TENM4: variants seen among roughly 807,000 people sequenced by gnomAD.
TENM4 encodes the protein teneurin transmembrane protein 4, also known as teneurin-4.
A neutral mutation model predicts 243.3 loss-of-function variants in TENM4; 82 were observed. The ratio of observed to expected loss-of-function variants is 0.34; its 90% confidence interval spans 0.28 to 0.40. The LOEUF (loss-of-function observed/expected upper bound fraction) is 0.40. Among genes scored for constraint, TENM4 ranks in the 10% least tolerant of loss-of-function variants. The pLI, the probability that TENM4 is intolerant of heterozygous loss-of-function variation, is 1.00. For missense variants in TENM4, 3,138 were observed against 3,673.3 expected (o/e 0.85, Z 3.77); for synonymous variants, 1,412 against 1,456.3 (o/e 0.97, Z 0.69).
intron 26 of TENM4, among the ~76,000 whole-genome samples, chr11:78,711,930 G>C (rs1859407383): frequency 6.6e-6 from 1 of 152,128 alleles, no homozygotes; most frequent in South Asian, 2.1e-4. Context: ...AATATTTGCT[G>C]AATAAGCGAA....
chr11:78,899,533 A>G (rs80262822), intron 7 of TENM4, among the ~76,000 whole-genome samples: 1,775 of 123,384 alleles, frequency 0.014, 34 homozygotes, highest in African/African-American at 0.042. Flanking sequence ...TGTCAGGATC[A>G]TGCCACTGCA....
At chr11:78,889,758 G>C in intron 9 of TENM4, 27 bp downstream of exon 9, 3 of 1,548,552 alleles carry the variant, frequency 1.9e-6, no homozygotes, top group Non-Finnish European at 2.6e-6. Flanking sequence ...AGAGGAGCAA[G>C]GGGAGCTGGG....
At chr11:78,665,859 C>G (rs559451150) in intron 32 of TENM4, among the ~76,000 whole-genome samples, 39 of 152,214 alleles carry the variant, frequency 2.6e-4, no homozygotes, top group African/African-American at 6.7e-4. Context: ...CTTCTCTTTC[C>G]TTTCTGGAGT....
chr11:79,362,394 C>G (rs549345947), intron 1 of TENM4, among the ~76,000 whole-genome samples: 1 of 152,188 alleles, frequency 6.6e-6, no homozygotes, highest in Non-Finnish European at 1.5e-5. Flanking sequence ...AAATAGGATG[C>G]TCTAATCAGT....
Position 79,420,511 on chromosome 11 carries a change from A to G in TENM4, c.-321+19998T>C, listed in dbSNP as rs527723944. ...AGTGCTAAAAATGGTTTTGCTTTAG[A>G]AAAAAGAAAACTCATATTAGAAGTT... is the stretch of plus-strand genomic sequence containing the variant. On this transcript the variant is annotated intron_variant, in intron 1 of 33. Coordinates refer to ENST00000278550, the MANE Select transcript of TENM4 (RefSeq NM_001098816.3). Among the ~76,000 whole-genome samples the G allele has an allele frequency of 4.6e-5, 7 of 152,354 alleles. No homozygotes were observed. The East Asian group carries it at 9.6e-4, about 21-fold the overall frequency.
chr11:79,388,393 G>C (rs978557319), intron 1 of TENM4, among the ~76,000 whole-genome samples: 9 of 152,144 alleles, frequency 5.9e-5, no homozygotes, highest in African/African-American at 2.2e-4. Context: ...AAATTCAAGG[G>C]AAACCACTTT....
chr11:78,800,388 G>T (rs892371803), intron 15 of TENM4, among the ~76,000 whole-genome samples: 3 of 152,306 alleles, frequency 2.0e-5, no homozygotes, highest in Admixed American at 6.5e-5. Context: ...CACTGCGCAT[G>T]AAACTAACAT....
At chr11:79,274,630 T>A (rs968854902) in intron 2 of TENM4, among the ~76,000 whole-genome samples, 1 of 152,090 alleles carries the variant, frequency 6.6e-6, no homozygotes, top group East Asian at 1.9e-4. Flanking sequence ...AACCCCAGCA[T>A]TGGGCAGAAG....
intron 2 of TENM4, among the ~76,000 whole-genome samples, chr11:79,287,499 G>T (rs1164775412): frequency 6.6e-6 from 1 of 152,176 alleles, no homozygotes. Context: ...GATCATGAAT[G>T]TCTAGTAAAC....
chr11:79,122,360 G>T (rs1372729379), intron 4 of TENM4, among the ~76,000 whole-genome samples: 1 of 152,196 alleles, frequency 6.6e-6, no homozygotes, highest in East Asian at 1.9e-4. Context: ...AGAGAAGTTG[G>T]AGCCTGGACA....
At chr11:78,721,584 CT>C (rs529460115) in intron 24 of TENM4, among the ~76,000 whole-genome samples, 236 of 152,336 alleles carry the variant, frequency 1.5e-3, no homozygotes, top group African/African-American at 5.3e-3. Flanking sequence ...CAGGCAGGTT[CT>C]TTAAATTCCC....
At chr11:79,140,624 G>A (rs1340302977) in intron 4 of TENM4, among the ~76,000 whole-genome samples, 1 of 152,090 alleles carries the variant, frequency 6.6e-6, no homozygotes, top group Admixed American at 6.6e-5. Context: ...TGGAAGCCTG[G>A]TAGCACTGTT....
intron 4 of TENM4, among the ~76,000 whole-genome samples, chr11:79,105,156 C>A (rs1861335594): frequency 2.6e-5 from 4 of 152,184 alleles, no homozygotes; most frequent in Admixed American, 2.0e-4. Context: ...AGGGTGAAAT[C>A]ATTATTTTCA....
intron 17 of TENM4, among the ~76,000 whole-genome samples, chr11:78,778,176 A>C (rs1856773791): frequency 2.6e-5 from 4 of 152,142 alleles, no homozygotes; most frequent in Admixed American, 2.6e-4. Flanking sequence ...AGTAGTCCTT[A>C]AAATTTCTTA....
At chr11:78,788,532 T>C (rs1856985614) in intron 15 of TENM4, among the ~76,000 whole-genome samples, 1 of 152,132 alleles carries the variant, frequency 6.6e-6, no homozygotes, top group Non-Finnish European at 1.5e-5. Flanking sequence ...GGAGAGTTCC[T>C]GGTCCTGTCA....
intron 1 of TENM4, among the ~76,000 whole-genome samples, chr11:79,313,121 T>A (rs1413452753): frequency 6.6e-6 from 1 of 152,240 alleles, no homozygotes; most frequent in African/African-American, 2.4e-5. Flanking sequence ...CGACTTCAGT[T>A]GTTTTTATTA....
intron 18 of TENM4, among the ~76,000 whole-genome samples, chr11:78,766,631 CA>C (rs1221642470): frequency 1.3e-5 from 2 of 151,862 alleles, no homozygotes; most frequent in Non-Finnish European, 2.9e-5. Flanking sequence ...TAAATCTAGC[CA>C]ACAACCATAC....
chr11:78,818,501 T>C (rs1204666809), intron 12 of TENM4, among the ~76,000 whole-genome samples: 4 of 152,186 alleles, frequency 2.6e-5, no homozygotes, highest in African/African-American at 9.7e-5. Flanking sequence ...AATTTTAAGA[T>C]AGCAACAAGG....
rs193089320 is a variant in TENM4 at position 79,336,136 on chromosome 11, A to C, written c.-320-38593T>G. On this transcript the variant is annotated intron_variant, in intron 1 of 33. Transcript: ENST00000278550. ...AGATCTGAACTAAATGGGGAAAAAAAATGTAATTTTTAATCTTTGAATATT... is the reference window on the plus strand; with the variant it reads ...AGATCTGAACTAAATGGGGAAAAAACATGTAATTTTTAATCTTTGAATATT... Among the ~76,000 whole-genome samples, 3 of 152,044 alleles carry C rather than the reference A, an allele frequency of 2.0e-5. No individual in the cohort carries two copies. In the East Asian group the frequency reaches 5.8e-4, roughly 29 times the overall value.
Sources: gnomAD v4.1 joint callset for allele counts (sites outside exome capture counted in the v4.1 genomes callset) on GRCh38, gnomAD v4.1.1 for gene constraint, MANE v1.5 for transcripts, NCBI Gene and HGNC (gene_info 2026-07-23, HGNC 2026-07-21) for gene names.